The following CD200R1 variants were observed in gnomAD, a reference collection of about 807,000 sequenced individuals.
The protein encoded by CD200R1 is CD200 receptor 1.
Under a neutral mutation model 38.1 loss-of-function variants are expected in CD200R1, and 30 were observed. That is an observed-to-expected ratio of 0.79 (90% CI 0.59 to 1.07). CD200R1 has a LOEUF of 1.07. CD200R1 is among the 50% of genes least tolerant of loss of function. The pLI, the probability that CD200R1 is intolerant of heterozygous loss-of-function variation, is 0.00. For missense variants in CD200R1, 372 were observed against 415.4 expected (o/e 0.90, Z 0.91); for synonymous variants, 128 against 152.1 (o/e 0.84, Z 1.16).
At chr3:112,925,364 G>A (rs1159177289) in intron 5 of CD200R1, among the ~76,000 whole-genome samples, 171 bp from the exon 6 acceptor site, 1 of 152,092 alleles carries the variant, frequency 6.6e-6, no homozygotes, top group Non-Finnish European at 1.5e-5. Context: ...CATATTGTAT[G>A]ATTCCAATTG....
chr3:112,974,762 C>T, intron 1 of CD200R1, 29 bp downstream of exon 1: 1 of 1,474,494 alleles, frequency 6.8e-7, no homozygotes, highest in African/African-American at 1.4e-5. Context: ...AGGTTTCTCA[C>T]TGTTCTCCCA....
At chr3:112,951,695 T>C (rs567815774) in intron 1 of CD200R1, among the ~76,000 whole-genome samples, 6 of 150,934 alleles carry the variant, frequency 4.0e-5, no homozygotes, top group African/African-American at 1.5e-4. Context: ...AGTAATAATA[T>C]AAAATACTAA....
chr3:112,931,291 T>C (rs1940430666), intron 2 of CD200R1, 120 bp from the exon 3 acceptor site: 1 of 589,814 alleles, frequency 1.7e-6, no homozygotes, highest in East Asian at 2.8e-5. Context: ...TAATTAAAAT[T>C]ACACAAAAAT....
chr3:112,948,152 G>A (rs1940904834), intron 1 of CD200R1, among the ~76,000 whole-genome samples: 1 of 152,110 alleles, frequency 6.6e-6, no homozygotes, highest in Admixed American at 6.6e-5. Flanking sequence ...TAAGCCCAGA[G>A]TGCCCATCAC....
chr3:112,927,809 A>G (rs1248671158), intron 5 of CD200R1, among the ~76,000 whole-genome samples: 1 of 152,212 alleles, frequency 6.6e-6, no homozygotes, highest in African/African-American at 2.4e-5. Flanking sequence ...GGGGTTCTCT[A>G]GTTTTGTCAA....
intron 5 of CD200R1, among the ~76,000 whole-genome samples, chr3:112,926,947 G>A (rs572023541): frequency 6.6e-6 from 1 of 152,088 alleles, no homozygotes; most frequent in Non-Finnish European, 1.5e-5. Flanking sequence ...CTCTAGAGTA[G>A]GAAGCATCAA....
chr3:112,949,228 G>A (rs1238425513), intron 1 of CD200R1, among the ~76,000 whole-genome samples: 1 of 152,234 alleles, frequency 6.6e-6, no homozygotes, highest in Non-Finnish European at 1.5e-5. Flanking sequence ...CTCTAACTGT[G>A]CAAGGCACAA....
At chr3:112,933,812 G>C (rs1333036440) in intron 2 of CD200R1, among the ~76,000 whole-genome samples, 3 of 151,966 alleles carry the variant, frequency 2.0e-5, no homozygotes, top group Non-Finnish European at 4.4e-5. Context: ...AGAGATTTTA[G>C]AGCTGAAGAA....
chr3:112,939,074 C>T (rs902165309), intron 2 of CD200R1, among the ~76,000 whole-genome samples: 7 of 151,952 alleles, frequency 4.6e-5, no homozygotes, highest in African/African-American at 1.7e-4. Flanking sequence ...AATTCAACAT[C>T]CCTTCATCAC....
chr3:112,925,686 C>A (rs1940265015), intron 5 of CD200R1, among the ~76,000 whole-genome samples: 1 of 151,862 alleles, frequency 6.6e-6, no homozygotes, highest in Non-Finnish European at 1.5e-5. Flanking sequence ...TGGACATGGG[C>A]GAAGGCAGGG....
intron 2 of CD200R1, among the ~76,000 whole-genome samples, chr3:112,934,449 TG>T (rs1940529287): frequency 6.6e-6 from 1 of 151,794 alleles, no homozygotes; most frequent in African/African-American, 2.4e-5. Context: ...AAATGACAGA[TG>T]TAAGTTCTCA....
intron 1 of CD200R1, among the ~76,000 whole-genome samples, chr3:112,967,799 G>GC: frequency 6.6e-6 from 1 of 152,070 alleles, no homozygotes; most frequent in South Asian, 2.1e-4. Flanking sequence ...CCACACACTT[G>GC]CCCCATCCCT....
At chr3:112,952,847 A>AG (rs1447305945) in intron 1 of CD200R1, among the ~76,000 whole-genome samples, 1 of 152,134 alleles carries the variant, frequency 6.6e-6, no homozygotes, top group Non-Finnish European at 1.5e-5. Flanking sequence ...CCCATATATA[A>AG]GACCATGTTG....
intron 1 of CD200R1, among the ~76,000 whole-genome samples, chr3:112,969,520 G>A (rs543531471): frequency 2.0e-5 from 3 of 152,306 alleles, no homozygotes; most frequent in South Asian, 4.1e-4. Context: ...CCTGCCACTA[G>A]GATCACTGTC....
intron 2 of CD200R1, among the ~76,000 whole-genome samples, chr3:112,947,199 G>A (rs1014747718): frequency 6.6e-6 from 1 of 152,106 alleles, no homozygotes; most frequent in Non-Finnish European, 1.5e-5. Context: ...TTATCATGGT[G>A]GAGACATGTC....
chr3:112,950,831 G>T (rs1280799398), intron 1 of CD200R1, among the ~76,000 whole-genome samples: 1 of 152,126 alleles, frequency 6.6e-6, no homozygotes, highest in East Asian at 1.9e-4. Context: ...GCTCAAAGAA[G>T]AAATTCATGA....
intron 2 of CD200R1, among the ~76,000 whole-genome samples, chr3:112,931,506 G>C (rs751202753): frequency 4.5e-4 from 69 of 152,108 alleles, no homozygotes; most frequent in Non-Finnish European, 8.1e-4. Context: ...ACATGAGCTG[G>C]TCCAATTATA....
At chr3:112,931,363 GA>G (rs1267106888) in intron 2 of CD200R1, among the ~76,000 whole-genome samples, 192 bp from the exon 3 acceptor site, 1 of 98,142 alleles carries the variant, frequency 1.0e-5, no homozygotes, top group African/African-American at 4.7e-5. Context: ...TTAATATCCT[GA>G]AAATTATACT....
At chr3:112,925,444 G>A (rs1226883191) in intron 5 of CD200R1, among the ~76,000 whole-genome samples, 1 of 152,132 alleles carries the variant, frequency 6.6e-6, no homozygotes, top group Non-Finnish European at 1.5e-5. Flanking sequence ...TGGTGAGGAA[G>A]GAGGGAGGAA....
Sources: allele counts gnomAD v4.1 joint callset (sites outside exome capture counted in the v4.1 genomes callset), GRCh38; gene constraint gnomAD v4.1.1; transcripts MANE v1.5; gene names NCBI Gene and HGNC (gene_info 2026-07-23, HGNC 2026-07-21).